Variants in PCDH7 observed in about 807,000 individuals in gnomAD.
The protein encoded by PCDH7 is protocadherin 7.
Under a neutral mutation model 58.9 loss-of-function variants are expected in PCDH7, and 17 were observed. That is an observed-to-expected ratio of 0.29 (90% CI 0.20 to 0.43). The LOEUF is 0.43. PCDH7 is among the 20% of genes least tolerant of loss of function. The probability of loss-of-function intolerance (pLI) is 1.00; values close to 1 mark genes in which losing one functional copy is unlikely to be tolerated. For synonymous variants in PCDH7, 664 were observed against 616.4 expected, an observed-to-expected ratio of 1.08 and a Z score of -1.14; for missense variants, 1,274 against 1,441.0, an observed-to-expected ratio of 0.88 and a Z score of 1.88.
chr4:31,097,506 A>AAGAG (rs1391943473), intron 3 of PCDH7, among the ~76,000 whole-genome samples: 1 of 79,506 alleles, frequency 1.3e-5, no homozygotes, highest in East Asian at 7.7e-4. Context: ...GAAAGAAAGA[A>AAGAG]AGAGAGAAAG....
Position 30,740,067 on chromosome 4 carries a change from A to G in PCDH7, c.70+15471A>G, listed in dbSNP as rs138615932. On this transcript the variant is annotated intron_variant, in intron 1 of 3. Transcript: ENST00000509759. ...TATCTTCATTTTTAGTTTTCGAAGC[A>G]ATGTGCAGCAGCGTTAAGTAACTTG... Among the ~76,000 whole-genome samples the G allele has an allele frequency of 3.2e-3, 489 of 152,330 alleles. 6 individuals are homozygous for G. Among genetic ancestry groups the G allele is most frequent in the African/African-American group, 0.011 (466 of 41,592 alleles).
exon 2 of PCDH7, chr4:30,731,126 C>T (rs1057038809): frequency 9.7e-7 from 1 of 1,032,842 alleles, no homozygotes; most frequent in Non-Finnish European, 1.2e-6. Context: ...AAGTTTGAGA[C>T]TTTGTGTGAA....
chr4:31,131,006 A>T (rs1718915033), intron 3 of PCDH7, among the ~76,000 whole-genome samples: 1 of 152,148 alleles, frequency 6.6e-6, no homozygotes, highest in Admixed American at 6.5e-5. Context: ...AGTTCCACAG[A>T]TTAGGATGCA....
At chr4:31,097,637 T>TATATATATAA (rs1553850696) in intron 3 of PCDH7, among the ~76,000 whole-genome samples, 14 of 89,294 alleles carry the variant, frequency 1.6e-4, no homozygotes, top group Non-Finnish European at 2.5e-4. Context: ...TATATATATA[T>TATATATATAA]AAATCTTTTT....
intron 1 of PCDH7, among the ~76,000 whole-genome samples, chr4:30,762,592 T>C (rs956128667): frequency 6.6e-6 from 1 of 152,178 alleles, no homozygotes; most frequent in East Asian, 1.9e-4. Context: ...TATTTGAAGA[T>C]CGATTGAAGC....
intron 1 of PCDH7, among the ~76,000 whole-genome samples, chr4:30,912,708 C>T (rs1034694414): frequency 2.6e-5 from 4 of 152,160 alleles, no homozygotes; most frequent in African/African-American, 9.6e-5. Flanking sequence ...ACCTGAGGTT[C>T]TTTCCAATAG....
At chr4:31,066,449 C>G (rs539047983) in intron 3 of PCDH7, among the ~76,000 whole-genome samples, 1 of 152,006 alleles carries the variant, frequency 6.6e-6, no homozygotes, top group African/African-American at 2.4e-5. Context: ...TCATAGAATT[C>G]TAATTTTTCT....
rs374719595 is a variant in PCDH7 at position 30,730,685 on chromosome 4, A to G, written c.3175-68A>G. On this transcript the variant is annotated intron_variant, in intron 1 of 1. Coordinates refer to ENST00000361762, the Ensembl canonical transcript of PCDH7. ...TACTAAAGCTTTCCAATTGGGCATA[A>G]GACACTGGGGAAAATTTCTTTATCG... is the stretch of plus-strand genomic sequence containing the variant. The G allele has an allele frequency of 2.2e-4, 265 of 1,216,540 alleles. 1 individual carries two copies. The African/African-American group carries it at 3.5e-3, about 16-fold the overall frequency. The allele number at this position is 1,216,540 out of a possible 1,614,324, so 75.4% of individuals were successfully genotyped here.
chr4:30,782,084 T>A (rs973781624), intron 1 of PCDH7, among the ~76,000 whole-genome samples: 1 of 152,186 alleles, frequency 6.6e-6, no homozygotes, highest in Non-Finnish European at 1.5e-5. Flanking sequence ...TCTATTTAAA[T>A]AATTATGATA....
chr4:31,032,825 A>G (rs947951573), intron 3 of PCDH7, among the ~76,000 whole-genome samples: 2 of 152,210 alleles, frequency 1.3e-5, no homozygotes, highest in Admixed American at 6.5e-5. Context: ...ATATGAAATT[A>G]GAAGATAAGA....
At chr4:30,826,774 G>A (rs1729136000) in intron 1 of PCDH7, among the ~76,000 whole-genome samples, 1 of 152,052 alleles carries the variant, frequency 6.6e-6, no homozygotes, top group Non-Finnish European at 1.5e-5. Flanking sequence ...CACCCAGGCT[G>A]GAGTATAGCA....
chr4:30,806,569 G>A (rs987284215), intron 1 of PCDH7, among the ~76,000 whole-genome samples: 6 of 151,730 alleles, frequency 4.0e-5, no homozygotes, highest in South Asian at 2.1e-4. Flanking sequence ...TTCCCAAAGT[G>A]CTGGAATTAC....
intron 3 of PCDH7, among the ~76,000 whole-genome samples, chr4:31,036,044 G>T (rs1755383646): frequency 6.6e-6 from 1 of 152,128 alleles, no homozygotes; most frequent in African/African-American, 2.4e-5. Flanking sequence ...ATCTTAGGAA[G>T]TGCTAAGATA....
intron 3 of PCDH7, among the ~76,000 whole-genome samples, chr4:31,115,974 G>GA (rs1239760631): frequency 1.3e-5 from 2 of 152,100 alleles, no homozygotes; most frequent in African/African-American, 4.8e-5. Context: ...AAAGAATTTA[G>GA]AAAAATGTAA....
chr4:31,005,422 T>A (rs1051835841), intron 3 of PCDH7, among the ~76,000 whole-genome samples: 1 of 150,464 alleles, frequency 6.6e-6, no homozygotes, highest in South Asian at 2.1e-4. Context: ...GCTTCACTAT[T>A]GTGTCATCAA....
chr4:30,870,560 T>G (rs2109361703), intron 1 of PCDH7, among the ~76,000 whole-genome samples: 1 of 152,282 alleles, frequency 6.6e-6, no homozygotes, highest in Admixed American at 6.5e-5. Context: ...AGGTAAATGT[T>G]CCTCCTAACC....
chr4:30,821,757 A>C (rs755967269), intron 1 of PCDH7, among the ~76,000 whole-genome samples: 1 of 152,186 alleles, frequency 6.6e-6, no homozygotes, highest in Non-Finnish European at 1.5e-5. Context: ...TGCTGTATGC[A>C]TGAAAGTTGA....
intron 2 of PCDH7, among the ~76,000 whole-genome samples, chr4:30,939,907 G>A (rs891834465): frequency 6.6e-6 from 1 of 152,182 alleles, no homozygotes; most frequent in African/African-American, 2.4e-5. Context: ...TCCATGTACA[G>A]GGCCTGCTTT....
At chr4:31,124,399 C>G (rs901174747) in intron 3 of PCDH7, among the ~76,000 whole-genome samples, 1 of 152,166 alleles carries the variant, frequency 6.6e-6, no homozygotes, top group Non-Finnish European at 1.5e-5. Flanking sequence ...AGCAGACTTC[C>G]TTTGTTCAGA....
Sources: allele counts gnomAD v4.1 joint callset (sites outside exome capture counted in the v4.1 genomes callset), GRCh38; gene constraint gnomAD v4.1.1; transcripts MANE v1.5; gene names NCBI Gene and HGNC (gene_info 2026-07-23, HGNC 2026-07-21).